MEGF9: variants seen among roughly 807,000 people sequenced by gnomAD.
MEGF9 encodes multiple epidermal growth factor-like domains protein 9.
A neutral mutation model predicts 46.8 loss-of-function variants in MEGF9; 6 were observed. That is an observed-to-expected ratio of 0.13 (90% CI 0.07 to 0.25). The LOEUF (loss-of-function observed/expected upper bound fraction) is 0.25. Among genes scored for constraint, MEGF9 ranks in the 10% least tolerant of loss-of-function variants. MEGF9 has a pLI of 1.00. For synonymous variants in MEGF9, 302 were observed against 330.7 expected, an observed-to-expected ratio of 0.91 and a Z score of 0.94; for missense variants, 683 against 792.4, an observed-to-expected ratio of 0.86 and a Z score of 1.66.
At chr9:120,700,992 G>A (rs1471644347) in intron 1 of MEGF9, among the ~76,000 whole-genome samples, 6 of 151,268 alleles carry the variant, frequency 4.0e-5, no homozygotes, top group South Asian at 4.2e-4. Context: ...GGTGGTGCAC[G>A]CCTGTAGTCC....
chr9:120,688,185 C>T (rs2043832582), intron 1 of MEGF9, among the ~76,000 whole-genome samples: 1 of 149,792 alleles, frequency 6.7e-6, no homozygotes, highest in Admixed American at 6.6e-5. Flanking sequence ...GCACACACAA[C>T]TTCTCTTAGG....
chr9:120,691,485 A>T lies in MEGF9; in HGVS notation c.601+22273T>A, dbSNP rs182364402. The T allele has an allele frequency of 9.3e-6, 4 of 430,466 alleles. No homozygotes were observed. The East Asian group carries it at 3.1e-4, about 34-fold the overall frequency. 26.7% of individuals were successfully genotyped at this position (430,466 alleles called of 1,614,324 possible). A position where few individuals can be genotyped will look rare whatever the true frequency, so the allele number is the denominator to read the frequency against. ...CAGGCCACTGATGCCCTGAACAAGAAGTCAGATTTCAAATATGCACACTAG... is the reference window on the plus strand; with the variant it reads ...CAGGCCACTGATGCCCTGAACAAGATGTCAGATTTCAAATATGCACACTAG... On this transcript the variant is annotated intron_variant, in intron 1 of 5. Transcript: ENST00000373930.
chr9:120,637,201 T>TG (rs2043581167), intron 2 of MEGF9, among the ~76,000 whole-genome samples: 1 of 151,662 alleles, frequency 6.6e-6, no homozygotes, highest in Non-Finnish European at 1.5e-5. Flanking sequence ...AGATGTGCTT[T>TG]GTTAAACAGA....
chr9:120,692,488 T>C (rs571923979), intron 1 of MEGF9, among the ~76,000 whole-genome samples: 10 of 152,326 alleles, frequency 6.6e-5, no homozygotes, highest in East Asian at 5.8e-4. Context: ...TTTACACTTA[T>C]AGAAGTATGT....
intron 1 of MEGF9, among the ~76,000 whole-genome samples, chr9:120,693,351 T>C (rs2043860018): frequency 6.6e-6 from 1 of 151,538 alleles, no homozygotes; most frequent in African/African-American, 2.4e-5. Flanking sequence ...GCAGATTGGT[T>C]AAGCAATAAG....
intron 2 of MEGF9, among the ~76,000 whole-genome samples, chr9:120,627,134 T>C (rs556194638): frequency 1.3e-5 from 2 of 152,008 alleles, no homozygotes; most frequent in African/African-American, 4.8e-5. Context: ...GTAGCAAAAA[T>C]ATGGCTAGAA....
At chr9:120,682,966 G>C (rs2043805302) in intron 1 of MEGF9, among the ~76,000 whole-genome samples, 1 of 152,088 alleles carries the variant, frequency 6.6e-6, no homozygotes, top group Non-Finnish European at 1.5e-5. Context: ...TACTATCTTG[G>C]GAAAATACAT....
At chr9:120,609,570 T>G (rs1402591051) in intron 4 of MEGF9, among the ~76,000 whole-genome samples, 1 of 152,216 alleles carries the variant, frequency 6.6e-6, no homozygotes, top group Non-Finnish European at 1.5e-5. Context: ...AATATGTATC[T>G]ACTGAGTAAT....
At chr9:120,691,529 G>A (rs1032049998) in intron 1 of MEGF9, 5 of 331,168 alleles carry the variant, frequency 1.5e-5, no homozygotes, top group African/African-American at 1.1e-4. Context: ...TCTTCACCAA[G>A]ATTAACTTCA....
chr9:120,674,399 A>C (rs1178484730), intron 1 of MEGF9, among the ~76,000 whole-genome samples: 1 of 152,230 alleles, frequency 6.6e-6, no homozygotes, highest in East Asian at 1.9e-4. Flanking sequence ...AATATCTTTC[A>C]TTAGGAAAAT....
chr9:120,686,868 AG>A (rs1230059848), intron 1 of MEGF9, among the ~76,000 whole-genome samples: 2 of 152,238 alleles, frequency 1.3e-5, no homozygotes, highest in African/African-American at 2.4e-5. Flanking sequence ...TTGTAGTCAA[AG>A]CCCTGTCTTG....
At chr9:120,655,261 G>A (rs985100904) in intron 2 of MEGF9, among the ~76,000 whole-genome samples, 1 of 152,060 alleles carries the variant, frequency 6.6e-6, no homozygotes, top group Non-Finnish European at 1.5e-5. Context: ...CAGGTGTGCC[G>A]TTTTTATCTT....
chr9:120,613,056 T>A (rs1003737388), intron 3 of MEGF9, among the ~76,000 whole-genome samples: 3 of 152,004 alleles, frequency 2.0e-5, no homozygotes, highest in Non-Finnish European at 4.4e-5. Flanking sequence ...AGGCTGATAC[T>A]GAACTCTCAG....
intron 3 of MEGF9, among the ~76,000 whole-genome samples, chr9:120,620,223 G>C (rs1432594966): frequency 6.6e-6 from 1 of 152,158 alleles, no homozygotes; most frequent in African/African-American, 2.4e-5. Context: ...TTAAAACTGA[G>C]AATCAGCAAT....
At chr9:120,614,462 T>C (rs544734875) in intron 3 of MEGF9, among the ~76,000 whole-genome samples, 8 of 152,326 alleles carry the variant, frequency 5.3e-5, no homozygotes, top group African/African-American at 1.7e-4. Context: ...ATGACATTTT[T>C]CCCACATAAC....
Position 120,713,837 on chromosome 9 carries a change from G to A in MEGF9, c.522C>T (p.Thr174=). Residue 174 remains threonine, a synonymous_variant, in exon 1 of 6, where the codon ACC becomes ACT. Transcript: ENST00000373930. ...TGTTGCTGCTGCTGGGGAGATCGGG[G>A]GTCGGGGTCCGGGGAGTCGTGGGCG... ...VPAPTTPRTP[T]PDLPSSSNSS... 1.5e-6 allele frequency: 2 copies of A among 1,301,596 alleles called. No homozygotes were observed. Among genetic ancestry groups the A allele is most frequent in the Non-Finnish European group, 2.0e-6 (2 of 1,023,110 alleles). The allele number at this position is 1,301,596 out of a possible 1,614,324, so 80.6% of individuals were successfully genotyped here.
intron 2 of MEGF9, among the ~76,000 whole-genome samples, chr9:120,626,245 C>G (rs71509530): frequency 0.019 from 2,912 of 152,012 alleles, 44 homozygotes; most frequent in Non-Finnish European, 0.026. Flanking sequence ...AAAATTATAT[C>G]AGAAAAAAAA....
chr9:120,621,895 C>CATGACCCTCTAAAGCTTTTGCTTG (rs149851329), intron 3 of MEGF9, among the ~76,000 whole-genome samples: 6,204 of 152,190 alleles, frequency 0.041, 417 homozygotes, highest in African/African-American at 0.14. Context: ...ATTTCTTGGT[C>CATGACCCTCTAAAGCTTTTGCTTG]AGAGCCTAGC....
chr9:120,681,101 A>G (rs892509273), intron 1 of MEGF9, among the ~76,000 whole-genome samples: 1 of 152,040 alleles, frequency 6.6e-6, no homozygotes, highest in Non-Finnish European at 1.5e-5. Flanking sequence ...AAACAGAAGG[A>G]GTCTTTCACC....
Sources: allele counts gnomAD v4.1 joint callset (sites outside exome capture counted in the v4.1 genomes callset), GRCh38; gene constraint gnomAD v4.1.1; transcripts MANE v1.5; gene names NCBI Gene and HGNC (gene_info 2026-07-23, HGNC 2026-07-21).